Variants in ATF2 observed in about 807,000 individuals in gnomAD.
ATF2 encodes cyclic AMP-dependent transcription factor ATF-2.
In ATF2, 24 loss-of-function variants were observed where a neutral mutation model predicts 60.6. The ratio of observed to expected loss-of-function variants is 0.40; its 90% CI spans 0.29 to 0.56. The LOEUF (loss-of-function observed/expected upper bound fraction) is 0.56. ATF2 is among the 20% of genes least tolerant of loss of function. The pLI is 0.54. For missense variants in ATF2, 433 were observed against 607.7 expected (o/e 0.71, Z 3.02); for synonymous variants, 206 against 215.4 (o/e 0.96, Z 0.38).
At chr2:175,091,819 C>T (rs1045292234) in intron 12 of ATF2, among the ~76,000 whole-genome samples, 1 of 152,206 alleles carries the variant, frequency 6.6e-6, no homozygotes, top group African/African-American at 2.4e-5. Flanking sequence ...GCCGAGATTG[C>T]ACCACTGTAC....
At chr2:175,159,199 G>A (rs2105356121) in intron 1 of ATF2, among the ~76,000 whole-genome samples, 1 of 152,056 alleles carries the variant, frequency 6.6e-6, no homozygotes, top group Middle Eastern at 3.4e-3. Context: ...GGAGACTATA[G>A]TTCCAGCTGC....
intron 2 of ATF2, among the ~76,000 whole-genome samples, chr2:175,140,612 A>G (rs1164605178): frequency 6.6e-6 from 1 of 152,098 alleles, no homozygotes; most frequent in Non-Finnish European, 1.5e-5. Context: ...CAAGCTGTAT[A>G]CTTTGAATAT....
chr2:175,103,169 A>G (rs1386891760), intron 10 of ATF2, among the ~76,000 whole-genome samples: 1 of 152,026 alleles, frequency 6.6e-6, no homozygotes, highest in Non-Finnish European at 1.5e-5. Context: ...AAGAAAAAAG[A>G]TAATGTTCTC....
intron 12 of ATF2, among the ~76,000 whole-genome samples, chr2:175,083,560 T>A (rs1206316773): frequency 6.6e-6 from 1 of 152,090 alleles, no homozygotes; most frequent in Non-Finnish European, 1.5e-5. Flanking sequence ...AACCTAGGCA[T>A]TACCATTCAG....
chr2:175,110,074 C>T (rs543807052), intron 10 of ATF2, among the ~76,000 whole-genome samples: 2 of 152,246 alleles, frequency 1.3e-5, no homozygotes, highest in African/African-American at 2.4e-5. Context: ...TGGTGGCTCA[C>T]GCCTGTAATC....
At chr2:175,118,158 A>C in intron 6 of ATF2, 40 bp from the exon 7 acceptor site, 2 of 1,601,078 alleles carry the variant, frequency 1.2e-6, no homozygotes, top group Non-Finnish European at 1.7e-6. Flanking sequence ...TAAGTTCAAA[A>C]ACAGTGTGTC....
chr2:175,144,204 G>A (rs1284318256), intron 2 of ATF2, among the ~76,000 whole-genome samples: 2 of 152,136 alleles, frequency 1.3e-5, no homozygotes, highest in Admixed American at 6.5e-5. Flanking sequence ...TCGTCGTTAG[G>A]TTCCTAATAT....
intron 7 of ATF2, 95 bp from the exon 8 acceptor site, chr2:175,114,963 G>A: frequency 2.6e-6 from 3 of 1,174,520 alleles, no homozygotes; most frequent in Admixed American, 2.7e-5. Context: ...AGCATCTACA[G>A]AATAATAACT....
rs1698475156 is a variant in ATF2 at position 175,141,012 on chromosome 2, A to AT, written c.-43-4527_-43-4526insA. Among the ~76,000 whole-genome samples the AT allele has an allele frequency of 6.7e-5, 7 of 104,966 alleles. No homozygotes were observed. In the East Asian group the frequency reaches 8.0e-4, roughly 12 times the overall value. The allele number at this position is 104,966 out of a possible 152,430, so 68.9% of individuals were successfully genotyped here. On this transcript the variant is annotated intron_variant, in intron 2 of 13. Transcript: ENST00000264110. Reference sequence around the variant, plus strand: ...ACCCTATCTCAGGAAAAAAAAAAAAAAAAAAAAAAAAAAAAAAAATATATA... The same window carrying AT: ...ACCCTATCTCAGGAAAAAAAAAAAAATAAAAAAAAAAAAAAAAAAATATATA...
chr2:175,089,521 T>C (rs1694397651), intron 12 of ATF2, among the ~76,000 whole-genome samples: 1 of 152,170 alleles, frequency 6.6e-6, no homozygotes, highest in Non-Finnish European at 1.5e-5. Context: ...TTGATTAATG[T>C]TTTCACATAA....
rs369213804 is a variant in ATF2 at position 175,073,527 on chromosome 2, T to A, written c.*1082A>T. 4.6e-5 allele frequency: 7 copies of A among 151,908 alleles called. No individual in the cohort carries two copies. Among genetic ancestry groups the A allele is most frequent in the African/African-American group, 1.7e-4 (7 of 41,376 alleles). The allele number at this position is 151,908 out of a possible 1,614,324, so 9.4% of individuals were successfully genotyped here. On this transcript the variant is annotated 3_prime_UTR_variant, in exon 14 of 14. Coordinates refer to ENST00000264110, the MANE Select transcript of ATF2 (RefSeq NM_001880.4). ...CTCTCATTCATGCACACTTCCCACA[T>A]TATAATTACATTGTTCTAAAGATAG...
intron 10 of ATF2, among the ~76,000 whole-genome samples, chr2:175,104,391 A>T (rs1695502304): frequency 6.6e-6 from 1 of 152,196 alleles, no homozygotes; most frequent in Non-Finnish European, 1.5e-5. Context: ...ATACTTTCAA[A>T]GATCTGAAAA....
chr2:175,075,197 A>G, intron 13 of ATF2: 1 of 557,934 alleles, frequency 1.8e-6, no homozygotes, highest in Non-Finnish European at 2.6e-6. Context: ...GTTGGCCTAC[A>G]TGTCATTCTT....
chr2:175,076,447 G>T (rs538979925), intron 13 of ATF2, among the ~76,000 whole-genome samples: 95 of 152,094 alleles, frequency 6.2e-4, no homozygotes, highest in Middle Eastern at 3.4e-3. Flanking sequence ...ACATATGCAG[G>T]TATGTTACAT....
At chr2:175,121,379 C>T (rs1017307953) in intron 5 of ATF2, 65 bp downstream of exon 5, 2 of 1,093,546 alleles carry the variant, frequency 1.8e-6, no homozygotes, top group Non-Finnish European at 2.6e-6. Flanking sequence ...ACAGAGAATA[C>T]ACAAAAATTG....
At chr2:175,087,438 T>C (rs568028585) in intron 12 of ATF2, among the ~76,000 whole-genome samples, 2 of 152,278 alleles carry the variant, frequency 1.3e-5, no homozygotes, top group African/African-American at 4.8e-5. Context: ...AAAGGTTAAT[T>C]ACATAGCAGC....
chr2:175,115,579 A>G (rs1559081436), intron 7 of ATF2, among the ~76,000 whole-genome samples: 1 of 152,176 alleles, frequency 6.6e-6, no homozygotes, highest in Non-Finnish European at 1.5e-5. Flanking sequence ...AGTCAGTGTA[A>G]AAATTGGGTC....
intron 4 of ATF2, among the ~76,000 whole-genome samples, chr2:175,125,978 T>G (rs1205475913): frequency 6.6e-6 from 1 of 152,112 alleles, no homozygotes; most frequent in Non-Finnish European, 1.5e-5. Flanking sequence ...ACATTGAAGC[T>G]ATGTATCTCA....
At chr2:175,078,530 G>A (rs528943400) in intron 13 of ATF2, among the ~76,000 whole-genome samples, 14 of 152,196 alleles carry the variant, frequency 9.2e-5, no homozygotes, top group East Asian at 5.8e-4. Context: ...GTTTTCCCAC[G>A]ACTGAGGGGT....
Sources: gnomAD v4.1 joint callset for allele counts (sites outside exome capture counted in the v4.1 genomes callset) on GRCh38, gnomAD v4.1.1 for gene constraint, MANE v1.5 for transcripts, NCBI Gene and HGNC (gene_info 2026-07-23, HGNC 2026-07-21) for gene names.